Variants in WDR72 observed in about 807,000 individuals in gnomAD.
The protein encoded by WDR72 is WD repeat domain 72.
A neutral mutation model predicts 124.2 loss-of-function variants in WDR72; 120 were observed. The observed-to-expected ratio is 0.97, with a 90% CI of 0.83 to 1.12. The LOEUF (loss-of-function observed/expected upper bound fraction) is 1.12. WDR72 is among the 50% of genes most tolerant of loss of function. The probability of loss-of-function intolerance (pLI) is 0.00; values close to 1 mark genes in which losing one functional copy is unlikely to be tolerated. For missense variants in WDR72, 1,387 were observed against 1,278.8 expected, an observed-to-expected ratio of 1.08 and a Z score of -1.29; for synonymous variants, 452 against 441.7, an observed-to-expected ratio of 1.02 and a Z score of -0.29.
At chr15:53,565,097 G>T (rs1405437671) in intron 18 of WDR72, among the ~76,000 whole-genome samples, 1 of 151,828 alleles carries the variant, frequency 6.6e-6, no homozygotes, top group Non-Finnish European at 1.5e-5. Context: ...TTTGGGGAAA[G>T]GTGCTGGAGA....
chr15:53,559,681 C>T (rs138868246), intron 18 of WDR72, among the ~76,000 whole-genome samples: 7 of 151,944 alleles, frequency 4.6e-5, no homozygotes, highest in Admixed American at 6.6e-5. Flanking sequence ...CCACAGTAGG[C>T]GGCCATAAAG....
At chr15:53,714,005 C>T (rs1337155721) in intron 6 of WDR72, among the ~76,000 whole-genome samples, 1 of 152,132 alleles carries the variant, frequency 6.6e-6, no homozygotes, top group Non-Finnish European at 1.5e-5. Flanking sequence ...ATCATCTCAA[C>T]TTGTAGCCTG....
At chr15:53,540,176 A>G (rs1444325378) in intron 18 of WDR72, among the ~76,000 whole-genome samples, 3 of 152,236 alleles carry the variant, frequency 2.0e-5, no homozygotes. Flanking sequence ...TAATGTTAGC[A>G]CATATCTCTG....
intron 18 of WDR72, among the ~76,000 whole-genome samples, chr15:53,532,445 GA>G (rs1019596982): frequency 9.9e-5 from 15 of 152,154 alleles, no homozygotes; most frequent in African/African-American, 3.6e-4. Flanking sequence ...ATACAAAATG[GA>G]ATATTATTCA....
At chr15:53,524,789 C>T (rs374155371) in intron 18 of WDR72, among the ~76,000 whole-genome samples, 8 of 151,982 alleles carry the variant, frequency 5.3e-5, no homozygotes, top group African/African-American at 1.9e-4. Context: ...TTGCTATTTT[C>T]AATAATAAAT....
chr15:53,667,148 T>C (rs1165750070), intron 13 of WDR72, among the ~76,000 whole-genome samples: 1 of 152,048 alleles, frequency 6.6e-6, no homozygotes, highest in Admixed American at 6.6e-5. Context: ...GTCCAGTAGT[T>C]TGAAACCAGC....
intron 14 of WDR72, among the ~76,000 whole-genome samples, chr15:53,619,677 A>C (rs1164332115): frequency 6.6e-6 from 1 of 151,956 alleles, no homozygotes; most frequent in Non-Finnish European, 1.5e-5. Flanking sequence ...CTGGACCTGG[A>C]AATTCTCTCT....
chr15:53,752,113 A>G (rs1414010951), intron 1 of WDR72, among the ~76,000 whole-genome samples: 5 of 152,216 alleles, frequency 3.3e-5, no homozygotes, highest in African/African-American at 4.8e-5. Context: ...GATCCCATCT[A>G]TTAAGTGAAT....
chr15:53,663,091 A>AAAAT (rs200989036), intron 14 of WDR72, among the ~76,000 whole-genome samples: 28,629 of 147,866 alleles, frequency 0.19, 3,148 homozygotes, highest in East Asian at 0.45. Flanking sequence ...CCTGCCTCTA[A>AAAAT]AAATAAATAA....
In WDR72 at chr15:53,674,885, T is replaced by C. The variant is rs183908905; in HGVS notation, c.1766-9117A>G. Reference sequence around the variant, plus strand: ...GGCCACATTCAACCCTCACGTCTAATTCTGACCACAGACCTCCAGAAAAAC... The same window carrying C: ...GGCCACATTCAACCCTCACGTCTAACTCTGACCACAGACCTCCAGAAAAAC... On this transcript the variant is annotated intron_variant, in intron 13 of 19. Transcript: ENST00000360509. Among the ~76,000 whole-genome samples, 480 of 152,042 alleles carry C rather than the reference T, an allele frequency of 3.2e-3. 2 individuals are homozygous for C. Among genetic ancestry groups the C allele is most frequent in the African/African-American group, 0.011 (466 of 41,482 alleles).
intron 17 of WDR72, among the ~76,000 whole-genome samples, chr15:53,609,182 C>A (rs1422078876): frequency 2.6e-5 from 4 of 152,026 alleles, no homozygotes; most frequent in Admixed American, 2.0e-4. Context: ...TTCACATAAT[C>A]AAATTCCCAC....
In WDR72 at chr15:53,733,193, G is replaced by T. The variant is rs149711954; in HGVS notation, c.-12-32C>A. ...TACAAAGAAGGGAAGAAGCATACAT[G>T]GTCATCTTTTTGAAATTTGAGGAAA... On this transcript the variant is annotated intron_variant, in intron 1 of 19. Coordinates refer to ENST00000360509, the MANE Select transcript of WDR72 (RefSeq NM_182758.4). 42 of 1,610,766 alleles carry T rather than the reference G, an allele frequency of 2.6e-5. No homozygotes were observed. The African/African-American group carries it at 5.1e-4, about 19-fold the overall frequency.
intron 9 of WDR72, 46 bp downstream of exon 9, chr15:53,710,811 A>G: frequency 9.6e-6 from 14 of 1,464,922 alleles, no homozygotes; most frequent in Non-Finnish European, 1.3e-5. Context: ...TTATCCAAGA[A>G]ACTGAGTGAA....
intron 18 of WDR72, among the ~76,000 whole-genome samples, chr15:53,553,627 C>T (rs12438390): frequency 0.23 from 34,380 of 151,950 alleles, 3,935 homozygotes; most frequent in African/African-American, 0.26. Flanking sequence ...AAAGGAAATG[C>T]TATATGCATT....
chr15:53,560,819 T>G (rs2140293321), intron 18 of WDR72, among the ~76,000 whole-genome samples: 1 of 151,784 alleles, frequency 6.6e-6, no homozygotes, highest in East Asian at 1.9e-4. Context: ...CACACTGCAT[T>G]CTTCTCATTA....
At chr15:53,544,882 A>C (rs1272933477) in intron 18 of WDR72, among the ~76,000 whole-genome samples, 1 of 151,592 alleles carries the variant, frequency 6.6e-6, no homozygotes, top group Non-Finnish European at 1.5e-5. Context: ...ACAAACAGAG[A>C]GCCAAATCAT....
At chr15:53,533,579 T>C (rs1015966483) in intron 18 of WDR72, among the ~76,000 whole-genome samples, 1 of 152,122 alleles carries the variant, frequency 6.6e-6, no homozygotes, top group African/African-American at 2.4e-5. Context: ...TCTGGAGCCA[T>C]GGATTTCACA....
At chr15:53,524,674 A>G (rs1431973677) in intron 18 of WDR72, among the ~76,000 whole-genome samples, 1 of 152,150 alleles carries the variant, frequency 6.6e-6, no homozygotes, top group Non-Finnish European at 1.5e-5. Flanking sequence ...CAACTCTCTC[A>G]GGACACAGAT....
rs1861794272 is a variant in WDR72, at chr15:53,597,145, G to A, written c.3082C>T (p.Leu1028=). 6.2e-7 allele frequency: 1 copy of A among 1,613,916 alleles called. No homozygotes were observed. Among genetic ancestry groups the A allele is most frequent in the Non-Finnish European group, 8.5e-7 (1 of 1,179,890 alleles). ...ENGNCEMKQM[L]PKLEWTEELE... ...TCTTCTGTCCATTCCAGCTTTGGCA[G>A]CATCTGCTTCATCTCACAGTTACCA... is the stretch of plus-strand genomic sequence containing the variant. Residue 1028 remains leucine (L), a synonymous_variant, in exon 18 of 20, where the codon CTG becomes TTG. Coordinates refer to ENST00000360509, the MANE Select transcript of WDR72 (RefSeq NM_182758.4).
Sources: allele counts gnomAD v4.1 joint callset (sites outside exome capture counted in the v4.1 genomes callset), GRCh38; gene constraint gnomAD v4.1.1; transcripts MANE v1.5; gene names NCBI Gene and HGNC (gene_info 2026-07-23, HGNC 2026-07-21).